Variants in SCUBE1 observed in about 807,000 individuals in gnomAD.
SCUBE1 encodes the protein signal peptide, CUB domain and EGF like domain containing 1, also known as signal peptide, CUB and EGF-like domain-containing protein 1.
A neutral mutation model predicts 124.4 loss-of-function variants in SCUBE1; 59 were observed. The ratio of observed to expected loss-of-function variants is 0.47; its 90% confidence interval spans 0.38 to 0.59. SCUBE1 has a LOEUF of 0.59. Ranked by LOEUF, SCUBE1 falls within the 20% of genes least tolerant of loss-of-function variation. The pLI, the probability that SCUBE1 is intolerant of heterozygous loss-of-function variation, is 0.00. For synonymous variants in SCUBE1, 545 were observed against 550.9 expected, an observed-to-expected ratio of 0.99 and a Z score of 0.15; for missense variants, 1,150 against 1,371.2, an observed-to-expected ratio of 0.84 and a Z score of 2.55.
At chr22:43,298,368 G>A (rs997785119) in intron 3 of SCUBE1, among the ~76,000 whole-genome samples, 1 of 152,232 alleles carries the variant, frequency 6.6e-6, no homozygotes, top group African/African-American at 2.4e-5. Flanking sequence ...GGTTGGCCGT[G>A]TGCAGAAGAC....
At position 43,198,778 on chromosome 22, in the gene SCUBE1, A is replaced by C. The variant is rs1355443596; in HGVS notation, c.*5219T>G. On this transcript the variant is annotated 3_prime_UTR_variant, in exon 22 of 22. Transcript: ENST00000360835. ...CTGTGGGGCATGCACTGTGGCAGGC[A>C]AGGTGAGCAGGCTGTCCAGGGCAGC... 2.2e-5 allele frequency: 10 copies of C among 450,630 alleles called. No individual in the cohort carries two copies. In the Admixed American group the frequency reaches 2.4e-4, roughly 11 times the overall value. The allele number at this position is 450,630 out of a possible 1,614,324, so 27.9% of individuals were successfully genotyped here.
chr22:43,263,055 C>A (rs1380862322), intron 4 of SCUBE1, among the ~76,000 whole-genome samples: 1 of 152,218 alleles, frequency 6.6e-6, no homozygotes, highest in Non-Finnish European at 1.5e-5. Flanking sequence ...AAAGCAAGGG[C>A]ACGGTGCCTG....
chr22:43,311,189 T>C (rs947670386), intron 3 of SCUBE1, among the ~76,000 whole-genome samples: 1 of 152,208 alleles, frequency 6.6e-6, no homozygotes, highest in Non-Finnish European at 1.5e-5. Context: ...TGTTTTATTA[T>C]TTTTTTCAGT....
intron 6 of SCUBE1, among the ~76,000 whole-genome samples, chr22:43,240,421 G>T (rs1436616414): frequency 1.3e-5 from 2 of 152,174 alleles, no homozygotes; most frequent in South Asian, 4.1e-4. Context: ...GCCCACCTCC[G>T]CAAGGAGCCT....
intron 17 of SCUBE1, among the ~76,000 whole-genome samples, chr22:43,212,067 G>C (rs1436010674): frequency 6.6e-6 from 1 of 152,030 alleles, no homozygotes; most frequent in African/African-American, 2.4e-5. Context: ...AGCAGTTGAG[G>C]TGATGCCCTG....
intron 3 of SCUBE1, among the ~76,000 whole-genome samples, chr22:43,316,333 C>T (rs1040301605): frequency 2.2e-4 from 33 of 152,308 alleles, no homozygotes; most frequent in African/African-American, 6.7e-4. Context: ...TCCTCTTGGC[C>T]GCTGGGTGAT....
intron 2 of SCUBE1, among the ~76,000 whole-genome samples, chr22:43,325,457 A>AG (rs1926694548): frequency 6.6e-6 from 1 of 151,630 alleles, no homozygotes; most frequent in African/African-American, 2.4e-5. Flanking sequence ...AAAAAAAAAA[A>AG]AAAAAAAAAA....
rs1203344749 is a variant in SCUBE1, at chr22:43,210,590, G to C, written c.2383+332C>G. 6.6e-6 allele frequency among the ~76,000 whole-genome samples: 1 copy of C among 152,232 alleles called. No individual in the cohort carries two copies. Among genetic ancestry groups the C allele is most frequent in the Non-Finnish European group, 1.5e-5 (1 of 68,032 alleles). ...CCTGCTCTCTCTAGAGGCCCTGTCAGTGCCCCTGTAGGCTGTCAGCCCCCC... is the reference window on the plus strand; with the variant it reads ...CCTGCTCTCTCTAGAGGCCCTGTCACTGCCCCTGTAGGCTGTCAGCCCCCC... On this transcript the variant is annotated intron_variant, in intron 18 of 21. Transcript: ENST00000360835. The surrounding 1 kb of genome is among the most constrained non-coding windows in gnomAD (Gnocchi z 4.5).
chr22:43,216,621 C>A (rs1224340606), intron 15 of SCUBE1, among the ~76,000 whole-genome samples: 1 of 151,970 alleles, frequency 6.6e-6, no homozygotes, highest in Non-Finnish European at 1.5e-5. Flanking sequence ...CATTGCACTG[C>A]AGCCTGGCTA....
At chr22:43,335,953 TAATG>T (rs1396471472) in intron 2 of SCUBE1, among the ~76,000 whole-genome samples, 1 of 151,550 alleles carries the variant, frequency 6.6e-6, no homozygotes, top group African/African-American at 2.4e-5. Flanking sequence ...ATGAAGATGA[TAATG>T]ATGATGGTGA....
chr22:43,209,729 C>T (rs1399110444), intron 19 of SCUBE1, among the ~76,000 whole-genome samples: 2 of 152,168 alleles, frequency 1.3e-5, no homozygotes, highest in African/African-American at 4.8e-5. Context: ...AGGGGCCCTG[C>T]GGCTGGTCCC....
intron 2 of SCUBE1, among the ~76,000 whole-genome samples, chr22:43,320,960 C>T (rs370864905): frequency 2.0e-5 from 3 of 152,310 alleles, no homozygotes; most frequent in South Asian, 2.1e-4. Context: ...CTGGTGGTGC[C>T]GGCTCTTCTG....
Position 43,343,285 on chromosome 22 carries a change from G to A in SCUBE1, c.-24C>T. On this transcript the variant is annotated 5_prime_UTR_variant, in exon 1 of 22. The change creates a new upstream start codon in the 5' untranslated region. Coordinates refer to ENST00000360835, the MANE Select transcript of SCUBE1 (RefSeq NM_173050.5). ...ATGCTCAATGCGGGCCCCGCTGGGC[G>A]TGCGGGCGTGCGGGGCGCGGGGACC... is the stretch of plus-strand genomic sequence containing the variant. 2.8e-6 allele frequency: 3 copies of A among 1,074,034 alleles called. No individual in the cohort carries two copies. Among genetic ancestry groups the A allele is most frequent in the Non-Finnish European group, 3.4e-6 (3 of 884,764 alleles). The allele number at this position is 1,074,034 out of a possible 1,614,324, so 66.5% of individuals were successfully genotyped here.
At chr22:43,265,172 G>A (rs1924015152) in intron 4 of SCUBE1, among the ~76,000 whole-genome samples, 1 of 152,234 alleles carries the variant, frequency 6.6e-6, no homozygotes, top group Admixed American at 6.5e-5. Flanking sequence ...CTGGGTAATG[G>A]AATATTAAGC....
intron 12 of SCUBE1, among the ~76,000 whole-genome samples, chr22:43,221,986 C>T (rs1255041462): frequency 6.6e-6 from 1 of 152,086 alleles, no homozygotes; most frequent in Non-Finnish European, 1.5e-5. Context: ...ATTGCTTGAA[C>T]CTGGGAGGCG....
chr22:43,205,840 A>C (rs1483531487), intron 21 of SCUBE1, among the ~76,000 whole-genome samples: 1 of 60,102 alleles, frequency 1.7e-5, no homozygotes, highest in Non-Finnish European at 3.2e-5. Flanking sequence ...CACACACCAC[A>C]CACCCACTCA....
At chr22:43,303,558 TG>T (rs980150981) in intron 3 of SCUBE1, among the ~76,000 whole-genome samples, 1 of 152,076 alleles carries the variant, frequency 6.6e-6, no homozygotes, top group Non-Finnish European at 1.5e-5. Flanking sequence ...GAGGGCTGGG[TG>T]GGGGTGCCAG....
Position 43,267,939 on chromosome 22 carries a change from G to T in SCUBE1, c.485-5094C>A, listed in dbSNP as rs115848995. Among the ~76,000 whole-genome samples the T allele has an allele frequency of 5.2e-3, 792 of 152,364 alleles. 10 individuals are homozygous for T. The highest frequency in any genetic ancestry group is 0.019 in the African/African-American group (772 of 41,590). On this transcript the variant is annotated intron_variant, in intron 4 of 21. Transcript: ENST00000360835. Reference sequence around the variant, plus strand: ...AGGTGAACCCTGAGGCACGTGAGGTGCTGGGTTCCAAGCCCTTCTGCTCTA... The same window carrying T: ...AGGTGAACCCTGAGGCACGTGAGGTTCTGGGTTCCAAGCCCTTCTGCTCTA...
intron 16 of SCUBE1, 116 bp downstream of exon 16, chr22:43,213,974 A>T: frequency 9.4e-7 from 1 of 1,067,290 alleles, no homozygotes; most frequent in Non-Finnish European, 1.3e-6. Context: ...TTTAGAAAAT[A>T]CCACACTCTC....
Sources: gnomAD v4.1 joint callset for allele counts (sites outside exome capture counted in the v4.1 genomes callset) on GRCh38, gnomAD v4.1.1 for gene constraint, Gnocchi (gnomAD v3.1) non-coding constraint, MANE v1.5 for transcripts, NCBI Gene and HGNC (gene_info 2026-07-23, HGNC 2026-07-21) for gene names.